RNFT2: variants seen among roughly 807,000 people sequenced by gnomAD.
RNFT2 encodes E3 ubiquitin-protein ligase RNFT2.
RNFT2 carries 36 observed loss-of-function variants against 53.0 expected under a neutral mutation model. That is an observed-to-expected ratio of 0.68 (90% CI 0.52 to 0.90). The LOEUF (loss-of-function observed/expected upper bound fraction) is 0.90. Among genes scored for constraint, RNFT2 ranks in the 40% least tolerant of loss-of-function variants. RNFT2 has a pLI of 0.00. For missense variants in RNFT2, 514 were observed against 585.6 expected (o/e 0.88, Z 1.26); for synonymous variants, 260 against 253.2 (o/e 1.03, Z -0.26).
At chr12:116,835,888 G>T in intron 8 of RNFT2, 72 bp from the exon 9 acceptor site, 7 of 1,524,386 alleles carry the variant, frequency 4.6e-6, no homozygotes, top group Non-Finnish European at 5.5e-6. Context: ...CAGAGGATGG[G>T]GTGGGGTGAT....
At chr12:116,799,421 T>C (rs918509040) in intron 7 of RNFT2, among the ~76,000 whole-genome samples, 1 of 152,258 alleles carries the variant, frequency 6.6e-6, no homozygotes, top group Non-Finnish European at 1.5e-5. Context: ...TTTTATCGTG[T>C]AGCCTGTAAT....
rs992514861 is a variant in RNFT2, at chr12:116,749,931, G to C, written c.174G>C (p.Ala58=). The C allele has an allele frequency of 1.9e-6, 3 of 1,578,200 alleles. No individual in the cohort carries two copies. Among genetic ancestry groups the C allele is most frequent in the Non-Finnish European group, 2.6e-6 (3 of 1,162,028 alleles). Residue 58 remains alanine, a synonymous_variant, in exon 4 of 11, where the codon GCG becomes GCC. Transcript: ENST00000257575. The part of the protein sequence containing the change: ...SLKAEAASPP[A]LFSGLSGSLP... ...AGGCAGAGGCAGCCTCCCCACCAGC[G>C]CTCTTCTCGGGCTTATCAGGCAGCC...
At chr12:116,783,712 T>C (rs985686164) in intron 7 of RNFT2, among the ~76,000 whole-genome samples, 4 of 152,256 alleles carry the variant, frequency 2.6e-5, no homozygotes, top group African/African-American at 9.6e-5. Flanking sequence ...CCTTAGCACC[T>C]GTTGGCTGCT....
intron 5 of RNFT2, among the ~76,000 whole-genome samples, chr12:116,760,446 C>G (rs976672900): frequency 1.3e-5 from 2 of 152,166 alleles, no homozygotes; most frequent in African/African-American, 4.8e-5. Context: ...TTGCTCCTAC[C>G]CATTGGATCC....
At chr12:116,751,626 C>G (rs1271548590) in intron 4 of RNFT2, among the ~76,000 whole-genome samples, 3 of 151,996 alleles carry the variant, frequency 2.0e-5, no homozygotes, top group Non-Finnish European at 2.9e-5. Context: ...GTCTCAAACT[C>G]CTGACCTCAG....
intron 4 of RNFT2, among the ~76,000 whole-genome samples, chr12:116,753,705 ACCCAG>A (rs1592939437): frequency 6.6e-6 from 1 of 152,112 alleles, no homozygotes; most frequent in African/African-American, 2.4e-5. Context: ...TGGGAATTGA[ACCCAG>A]CCCTTACCAG....
chr12:116,822,679 G>A (rs1327101730), intron 7 of RNFT2, among the ~76,000 whole-genome samples: 1 of 152,010 alleles, frequency 6.6e-6, no homozygotes, highest in Non-Finnish European at 1.5e-5. Context: ...AGACATCTGA[G>A]CTGAGAGATG....
intron 6 of RNFT2, among the ~76,000 whole-genome samples, chr12:116,770,644 A>G (rs115339357): frequency 0.016 from 2,398 of 151,910 alleles, 79 homozygotes; most frequent in African/African-American, 0.055. Flanking sequence ...TGAAACCTTG[A>G]CCTCCCAGCC....
chr12:116,843,492 CAAAAAA>C (rs35687933), intron 10 of RNFT2, among the ~76,000 whole-genome samples: 4 of 65,132 alleles, frequency 6.1e-5, no homozygotes, highest in South Asian at 1.6e-3. Context: ...GACTGTGTCT[CAAAAAA>C]AAAAAAAAAA....
At chr12:116,792,720 A>G (rs1874312516) in intron 7 of RNFT2, among the ~76,000 whole-genome samples, 1 of 152,008 alleles carries the variant, frequency 6.6e-6, no homozygotes, top group African/African-American at 2.4e-5. Flanking sequence ...TGCTCTCCCG[A>G]ATCCTCATCA....
At chr12:116,845,276 G>T (rs3863382) in intron 10 of RNFT2, among the ~76,000 whole-genome samples, 43,159 of 106,422 alleles carry the variant, frequency 0.41, 7,665 homozygotes, top group Admixed American at 0.48. Flanking sequence ...TATATATATA[G>T]AGAGAGAGAG....
intron 3 of RNFT2, among the ~76,000 whole-genome samples, chr12:116,747,569 C>G (rs1422913284): frequency 6.6e-6 from 1 of 151,964 alleles, no homozygotes; most frequent in African/African-American, 2.4e-5. Context: ...GATATGAGAT[C>G]AAGTATGAAA....
At chr12:116,780,326 C>A (rs533356619) in intron 7 of RNFT2, among the ~76,000 whole-genome samples, 1 of 152,304 alleles carries the variant, frequency 6.6e-6, no homozygotes, top group African/African-American at 2.4e-5. Flanking sequence ...CGGAATGAAA[C>A]TGTTCCACTT....
At chr12:116,830,859 G>T (rs990238231) in intron 7 of RNFT2, among the ~76,000 whole-genome samples, 3 of 151,352 alleles carry the variant, frequency 2.0e-5, no homozygotes, top group Non-Finnish European at 4.4e-5. Context: ...AGCTGAGATT[G>T]TGCCACTGCA....
chr12:116,805,903 C>T (rs1234038218), intron 7 of RNFT2, among the ~76,000 whole-genome samples: 1 of 152,226 alleles, frequency 6.6e-6, no homozygotes, highest in Non-Finnish European at 1.5e-5. Flanking sequence ...CTTATGTCAA[C>T]TGATTGTAGA....
chr12:116,845,288 G>C (rs960106648), intron 10 of RNFT2, among the ~76,000 whole-genome samples: 41 of 146,386 alleles, frequency 2.8e-4, no homozygotes, highest in African/African-American at 9.9e-4. Flanking sequence ...GAGAGAGAGA[G>C]AGAGAGAGCT....
intron 6 of RNFT2, among the ~76,000 whole-genome samples, chr12:116,770,274 G>T (rs1056029701): frequency 2.0e-5 from 3 of 152,086 alleles, no homozygotes; most frequent in African/African-American, 7.2e-5. Context: ...AGATACCATT[G>T]TGTTATAATT....
chr12:116,845,919 C>T (rs1403902226), intron 10 of RNFT2, among the ~76,000 whole-genome samples: 2 of 152,162 alleles, frequency 1.3e-5, no homozygotes, highest in African/African-American at 4.8e-5. Context: ...TGTTCTATCT[C>T]TATCCCATCC....
intron 7 of RNFT2, among the ~76,000 whole-genome samples, chr12:116,791,173 C>T (rs1324413947): frequency 6.6e-6 from 1 of 152,216 alleles, no homozygotes; most frequent in African/African-American, 2.4e-5. Context: ...ATCTGCTTTT[C>T]ATCTCTATGG....
Sources: allele counts gnomAD v4.1 joint callset (sites outside exome capture counted in the v4.1 genomes callset), GRCh38; gene constraint gnomAD v4.1.1; transcripts MANE v1.5; gene names NCBI Gene and HGNC (gene_info 2026-07-23, HGNC 2026-07-21).